Variants in EXOSC1 observed in about 807,000 individuals in gnomAD.
EXOSC1 encodes the protein exosome component 1.
In EXOSC1, 27 loss-of-function variants were observed where a neutral mutation model predicts 31.4. That is an observed-to-expected ratio of 0.86 (90% CI 0.63 to 1.18). The LOEUF is 1.18. EXOSC1 is among the 50% of genes most tolerant of loss of function. EXOSC1 has a pLI of 0.00. For synonymous variants in EXOSC1, 84 were observed against 89.5 expected (o/e 0.94, Z 0.35); for missense variants, 228 against 250.3 (o/e 0.91, Z 0.60).
rs1845707984 is a variant in EXOSC1 at position 97,441,321 on chromosome 10, A to G, written c.223-62T>C. The G allele has an allele frequency of 2.1e-6, 3 of 1,435,584 alleles. No individual in the cohort carries two copies. The South Asian group carries it at 3.5e-5, about 17-fold the overall frequency. The allele number at this position is 1,435,584 out of a possible 1,614,324, so 88.9% of individuals were successfully genotyped here. A position where few individuals can be genotyped will look rare whatever the true frequency, so the allele number is the denominator to read the frequency against. On this transcript the variant is annotated intron_variant, in intron 3 of 7. Transcript: ENST00000370902. Reference sequence around the variant, plus strand: ...GCAGTTGTCAGCTCAAGGAGGCAGCAATAAACTGGGGATTACTAGGGCTTC... The same window carrying G: ...GCAGTTGTCAGCTCAAGGAGGCAGCGATAAACTGGGGATTACTAGGGCTTC...
chr10:97,438,719 T>C lies in EXOSC1; in HGVS notation c.312-16A>G. On this transcript the variant is annotated splice_polypyrimidine_tract_variant and intron_variant, in intron 4 of 7. Transcript: ENST00000370902. ...ATCTTCCTTGCTATAAAAAAAGAAT[T>C]AACAGAAAGATTAATTACCTGTGAG... is the stretch of plus-strand genomic sequence containing the variant. The C allele has an allele frequency of 1.3e-6, 2 of 1,581,474 alleles. No homozygotes were observed. The highest frequency in any genetic ancestry group is 1.7e-6 in the Non-Finnish European group (2 of 1,157,272).
At position 97,442,651 on chromosome 10, in the gene EXOSC1, A is replaced by G. The variant is rs571412138; in HGVS notation, c.222+586T>C. 5.3e-5 allele frequency among the ~76,000 whole-genome samples: 8 copies of G among 152,146 alleles called. No homozygotes were observed. In the South Asian group the frequency reaches 1.2e-3, roughly 24 times the overall value. On this transcript the variant is annotated intron_variant, in intron 3 of 7. Coordinates refer to ENST00000370902, the MANE Select transcript of EXOSC1 (RefSeq NM_016046.5). ...AGCCTCCCAAGTAGTTGGGACCACA[A>G]GCATGTGCTACCATGCCTGGCTAAT...
chr10:97,445,634 G>A (rs935526425), intron 2 of EXOSC1, 98 bp downstream of exon 2: 7 of 1,058,764 alleles, frequency 6.6e-6, no homozygotes, highest in African/African-American at 3.2e-5. Context: ...TACCACTGAG[G>A]CACTAAAGAC....
intron 7 of EXOSC1, 80 bp downstream of exon 7, chr10:97,437,111 G>C: frequency 7.9e-7 from 1 of 1,268,996 alleles, no homozygotes; most frequent in South Asian, 1.2e-5. Context: ...TCCCAGATAA[G>C]GGAAACCAGG....
intron 3 of EXOSC1, 28 bp from the exon 4 acceptor site, chr10:97,441,287 A>G: frequency 6.2e-7 from 1 of 1,603,304 alleles, no homozygotes; most frequent in South Asian, 1.1e-5. Context: ...GATCAGCATC[A>G]GAGTATAAGC....
chr10:97,444,853 G>C (rs1412114547), intron 2 of EXOSC1: 1 of 152,156 alleles, frequency 6.6e-6, no homozygotes, highest in Non-Finnish European at 1.5e-5. Flanking sequence ...ATGATCCTGA[G>C]CTAATCCTGG....
Position 97,445,795 on chromosome 10 carries a change from G to A in EXOSC1, c.84C>T (p.Thr28=), listed in dbSNP as rs752505508. 18 of 1,613,868 alleles carry A rather than the reference G, an allele frequency of 1.1e-5. No individual in the cohort carries two copies. In the African/African-American group the frequency reaches 1.7e-4, roughly 16 times the overall value. Residue 28 remains threonine, a synonymous_variant, in exon 2 of 8, where the codon ACC becomes ACT. Coordinates refer to ENST00000370902, the MANE Select transcript of EXOSC1 (RefSeq NM_016046.5). ...EEGSPGSGTY[T]RHGYIFSSLA... Reference sequence around the variant, plus strand: ...GCGACGAAAAGATGTAGCCGTGGCGGGTGTAGGTGCCGCTGCCCGGGCTGC... The same window carrying A: ...GCGACGAAAAGATGTAGCCGTGGCGAGTGTAGGTGCCGCTGCCCGGGCTGC...
At chr10:97,440,408 G>T (rs1487393147) in intron 4 of EXOSC1, among the ~76,000 whole-genome samples, 1 of 152,104 alleles carries the variant, frequency 6.6e-6, no homozygotes, top group African/African-American at 2.4e-5. Context: ...GAGTGCAGTG[G>T]TGCAATCTCA....
intron 7 of EXOSC1, 126 bp downstream of exon 7, chr10:97,437,065 C>G: frequency 1.2e-6 from 1 of 859,936 alleles, no homozygotes; most frequent in Non-Finnish European, 1.9e-6. Context: ...AATAATCATT[C>G]TAATCTCAGA....
intron 2 of EXOSC1, chr10:97,444,189 G>A (rs570661709): frequency 1.3e-5 from 2 of 152,290 alleles, no homozygotes; most frequent in South Asian, 2.1e-4. Context: ...ACATAATAGC[G>A]GCTATGCTTG....
intron 3 of EXOSC1, among the ~76,000 whole-genome samples, chr10:97,442,184 A>AT (rs1845741549): frequency 6.6e-6 from 1 of 151,780 alleles, no homozygotes; most frequent in Non-Finnish European, 1.5e-5. Flanking sequence ...TCTCAAAAAA[A>AT]AAAAAACAGG....
chr10:97,446,006 C>T lies in EXOSC1; in HGVS notation c.-21G>A. On this transcript the variant is annotated 5_prime_UTR_variant, in exon 1 of 8. Transcript: ENST00000370902. ...GCCATGATTGCCGCTGTCCCAAAAC[C>T]AGGATGAAAACGAAGTCGATTTCTC... 1 of 1,614,250 alleles carries T rather than the reference C, an allele frequency of 6.2e-7. No individual in the cohort carries two copies. Among genetic ancestry groups the T allele is most frequent in the African/African-American group, 1.3e-5 (1 of 75,078 alleles).
Position 97,445,727 on chromosome 10 carries a change from T to C in EXOSC1, c.147+5A>G, listed in dbSNP as rs777940359. 22 of 1,612,086 alleles carry C rather than the reference T, an allele frequency of 1.4e-5. No individual in the cohort carries two copies. Among genetic ancestry groups the C allele is most frequent in the Non-Finnish European group, 1.0e-5 (12 of 1,178,506 alleles). On this transcript the variant is annotated splice_donor_5th_base_variant and intron_variant, in intron 2 of 7. Transcript: ENST00000370902. ...AGAGGGGAGATGGCATGCCGCTTCC[T>C]TTACCGCGCCATTCTCGCTGCTCTT...
At chr10:97,445,615 C>G (rs1845929792) in intron 2 of EXOSC1, 117 bp downstream of exon 2, 2 of 874,160 alleles carry the variant, frequency 2.3e-6, no homozygotes, top group Non-Finnish European at 3.5e-6. Flanking sequence ...AACTAAGAGA[C>G]CAACATTGTA....
In EXOSC1 at chr10:97,445,814, G is replaced by C. The variant is rs147036130; in HGVS notation, c.65C>G (p.Pro22Arg). The C allele has an allele frequency of 3.1e-6, 5 of 1,613,748 alleles. No individual in the cohort carries two copies. Among genetic ancestry groups the C allele is most frequent in the African/African-American group, 1.3e-5 (1 of 74,916 alleles). The change falls in exon 2 of 8, where the codon CCG (proline) becomes CGG (arginine). Residue 22 changes from proline to arginine, a missense_variant. Transcript: ENST00000370902. Reference protein sequence around the residue: ...ERLCNLEEGSPGSGTYTRHGY... With the variant: ...ERLCNLEEGSRGSGTYTRHGY... ...GTGGCGGGTGTAGGTGCCGCTGCCC[G>C]GGCTGCCCTCCTCCAAGTTACACAG... is the stretch of plus-strand genomic sequence containing the variant.
At chr10:97,439,220 G>T (rs535143908) in intron 4 of EXOSC1, among the ~76,000 whole-genome samples, 2 of 152,188 alleles carry the variant, frequency 1.3e-5, no homozygotes, top group Admixed American at 6.5e-5. Flanking sequence ...AAGGCAGATC[G>T]GATTTGGCAA....
At chr10:97,441,048 A>C in intron 4 of EXOSC1, 123 bp downstream of exon 4, 1 of 738,512 alleles carries the variant, frequency 1.4e-6, no homozygotes, top group Non-Finnish European at 2.2e-6. Flanking sequence ...CAAAGCACAA[A>C]GAAGAAAGAA....
chr10:97,441,280 C>T (rs778387660), intron 3 of EXOSC1, 21 bp from the exon 4 acceptor site: 26 of 1,609,022 alleles, frequency 1.6e-5, no homozygotes, highest in Non-Finnish European at 2.1e-5. Flanking sequence ...GAGAAAAGAT[C>T]AGCATCAGAG....
chr10:97,437,754 TAAAG>T lies in EXOSC1; in HGVS notation c.346-8_346-5del. Reference sequence around the variant, plus strand: ...GGAAACTCTTATAAATTTCAACCTGTAAAGAAAGAACAGGAATGTTAAGTGAAAG... The same window carrying T: ...GGAAACTCTTATAAATTTCAACCTGTAAAGAACAGGAATGTTAAGTGAAAG... On this transcript the variant is annotated splice_region_variant and splice_polypyrimidine_tract_variant and intron_variant, in intron 5 of 7. Coordinates refer to ENST00000370902, the MANE Select transcript of EXOSC1 (RefSeq NM_016046.5). The T allele has an allele frequency of 1.9e-6, 3 of 1,612,534 alleles. No homozygotes were observed. Among genetic ancestry groups the T allele is most frequent in the Non-Finnish European group, 2.5e-6 (3 of 1,178,816 alleles).
Sources: allele counts gnomAD v4.1 joint callset (sites outside exome capture counted in the v4.1 genomes callset), GRCh38; gene constraint gnomAD v4.1.1; transcripts MANE v1.5; gene names NCBI Gene and HGNC (gene_info 2026-07-23, HGNC 2026-07-21).